PATJ: variants seen among roughly 807,000 people sequenced by gnomAD.
PATJ encodes inaD-like protein.
Under a neutral mutation model 224.9 loss-of-function variants are expected in PATJ, and 190 were observed. The ratio of observed to expected loss-of-function variants is 0.84; its 90% CI spans 0.75 to 0.95. PATJ has a LOEUF of 0.95. Among genes scored for constraint, PATJ ranks in the 40% least tolerant of loss-of-function variants. The probability of loss-of-function intolerance (pLI) is 0.00; values close to 1 mark genes in which losing one functional copy is unlikely to be tolerated. For missense variants in PATJ, 2,121 were observed against 2,270.3 expected (o/e 0.93, Z 1.34); for synonymous variants, 769 against 820.3 (o/e 0.94, Z 1.07).
intron 26 of PATJ, among the ~76,000 whole-genome samples, chr1:61,920,102 T>C (rs1481471210): frequency 2.0e-5 from 3 of 152,216 alleles, no homozygotes; most frequent in Non-Finnish European, 4.4e-5. Context: ...ATTTTTAGTT[T>C]TTATTTCACA....
intron 20 of PATJ, among the ~76,000 whole-genome samples, chr1:61,869,924 TC>T (rs1666067906): frequency 1.3e-5 from 2 of 152,154 alleles, no homozygotes; most frequent in African/African-American, 4.8e-5. Context: ...AGCGGCAGCA[TC>T]TAGGGGAGGT....
In PATJ at chr1:61,873,320, G is replaced by A. The variant is rs149244351; in HGVS notation, c.2836-1923G>A. On this transcript the variant is annotated intron_variant, in intron 20 of 43. Transcript: ENST00000642238. ...GTAGCTGGGACTGCAGGCACACACC[G>A]CTATGCCTGGCTAGTTTTTATAATT... 1.8e-4 allele frequency among the ~76,000 whole-genome samples: 28 copies of A among 151,950 alleles called. No homozygotes were observed. In the East Asian group the frequency reaches 3.9e-3, roughly 21 times the overall value.
chr1:62,014,616 G>C (rs564119131), intron 28 of PATJ, among the ~76,000 whole-genome samples: 236 of 126,764 alleles, frequency 1.9e-3, no homozygotes, highest in African/African-American at 7.0e-3. Context: ...GCCCAGGCTA[G>C]AGTGCTGTGG....
chr1:61,813,380 C>CATATATATATATAT (rs1557690831), intron 14 of PATJ, among the ~76,000 whole-genome samples: 2 of 21,818 alleles, frequency 9.2e-5, no homozygotes, highest in African/African-American at 3.1e-4. Flanking sequence ...TATATATATA[C>CATATATATATATAT]ACACACACAC....
intron 14 of PATJ, among the ~76,000 whole-genome samples, chr1:61,809,480 C>T (rs1479031051): frequency 6.6e-6 from 1 of 151,288 alleles, no homozygotes; most frequent in Non-Finnish European, 1.5e-5. Context: ...CTCTGCCTCC[C>T]GGGTTCAAGC....
At chr1:61,778,313 G>C (rs748823667) in intron 7 of PATJ, among the ~76,000 whole-genome samples, 9 of 152,160 alleles carry the variant, frequency 5.9e-5, no homozygotes, top group African/African-American at 2.2e-4. Context: ...ACCATACCCA[G>C]CCTCAATATT....
At chr1:62,090,155 T>A (rs1280232587) in intron 33 of PATJ, among the ~76,000 whole-genome samples, 1 of 152,132 alleles carries the variant, frequency 6.6e-6, no homozygotes, top group East Asian at 1.9e-4. Flanking sequence ...AATCGACCTT[T>A]TAAAATGCCG....
intron 26 of PATJ, among the ~76,000 whole-genome samples, chr1:61,920,435 G>T (rs1674119316): frequency 6.6e-6 from 1 of 152,078 alleles, no homozygotes; most frequent in African/African-American, 2.4e-5. Flanking sequence ...CCACATAAGA[G>T]GTGACTTGCT....
chr1:62,007,177 G>T (rs1304974068), intron 28 of PATJ, among the ~76,000 whole-genome samples: 1 of 152,116 alleles, frequency 6.6e-6, no homozygotes, highest in Non-Finnish European at 1.5e-5. Context: ...ACTATAATTT[G>T]CTACTGAACG....
intron 41 of PATJ, among the ~76,000 whole-genome samples, chr1:62,144,775 A>ATATATAT (rs1218856613): frequency 9.9e-4 from 90 of 90,854 alleles, no homozygotes; most frequent in African/African-American, 2.4e-3. Context: ...GCAAAAAAAA[A>ATATATAT]AAATATATAT....
chr1:62,116,825 G>C (rs981937318), intron 36 of PATJ, 146 bp downstream of exon 36: 50 of 805,846 alleles, frequency 6.2e-5, no homozygotes, highest in Admixed American at 3.3e-5. Flanking sequence ...TTTTAAATGA[G>C]CCAGAATAGC....
intron 7 of PATJ, among the ~76,000 whole-genome samples, chr1:61,776,553 C>T (rs570659645): frequency 2.0e-5 from 3 of 151,872 alleles, no homozygotes; most frequent in East Asian, 1.9e-4. Context: ...GCATGTCTTT[C>T]GAATATTGTC....
Position 61,787,838 on chromosome 1 carries a change from G to A in PATJ, c.934G>A (p.Val312Ile). ...AATGACCAGTGAGCAAGTTGCACAA[G>A]TTCTAAGGAACTGTGGGAATTCAGT... Reference protein sequence around the residue: ...QGMTSEQVAQVLRNCGNSVRM... With the variant: ...QGMTSEQVAQILRNCGNSVRM... Residue 312 changes from valine (V) to isoleucine (I), a missense_variant, in exon 8 of 44, where the codon GTT becomes ATT. Transcript: ENST00000642238. 1 of 1,614,168 alleles carries A rather than the reference G, an allele frequency of 6.2e-7. No individual in the cohort carries two copies. The highest frequency in any genetic ancestry group is 8.5e-7 in the Non-Finnish European group (1 of 1,179,986).
chr1:61,806,347 C>T (rs921353924), intron 13 of PATJ, among the ~76,000 whole-genome samples: 5 of 151,936 alleles, frequency 3.3e-5, no homozygotes, highest in African/African-American at 9.7e-5. Context: ...AGGCCGGGCG[C>T]GGTGGCTCAC....
chr1:62,153,223 G>A (rs1295613791), intron 42 of PATJ, 135 bp from the exon 43 acceptor site: 1 of 540,308 alleles, frequency 1.9e-6, no homozygotes, highest in Non-Finnish European at 2.8e-6. Context: ...ATTGCTTTCT[G>A]AGAGTTTGAT....
chr1:62,135,286 G>A (rs1666706881), intron 41 of PATJ, among the ~76,000 whole-genome samples: 1 of 152,058 alleles, frequency 6.6e-6, no homozygotes, highest in South Asian at 2.1e-4. Flanking sequence ...GGAGGCCGAG[G>A]TGGGGGGGAT....
intron 27 of PATJ, among the ~76,000 whole-genome samples, chr1:61,944,775 C>G (rs1678398407): frequency 6.6e-6 from 1 of 152,130 alleles, no homozygotes; most frequent in African/African-American, 2.4e-5. Flanking sequence ...ACAAAATTGT[C>G]AGATTCACCG....
intron 16 of PATJ, among the ~76,000 whole-genome samples, chr1:61,830,739 C>T (rs190160497): frequency 1.1e-4 from 17 of 152,250 alleles, no homozygotes; most frequent in African/African-American, 4.1e-4. Context: ...CATCTACAAG[C>T]ATCTGTTGTT....
intron 17 of PATJ, among the ~76,000 whole-genome samples, chr1:61,839,161 A>G (rs1164115879): frequency 6.6e-6 from 1 of 151,882 alleles, no homozygotes; most frequent in Non-Finnish European, 1.5e-5. Context: ...GCCTTTAACC[A>G]TCATACTATA....
Sources: allele counts gnomAD v4.1 joint callset (sites outside exome capture counted in the v4.1 genomes callset), GRCh38; gene constraint gnomAD v4.1.1; transcripts MANE v1.5; gene names NCBI Gene and HGNC (gene_info 2026-07-23, HGNC 2026-07-21).